The following PLXNA4 variants were observed in gnomAD, a reference collection of about 807,000 sequenced individuals.
The protein encoded by PLXNA4 is plexin-A4.
PLXNA4 carries 44 observed loss-of-function variants against 191.8 expected under a neutral mutation model. That is an observed-to-expected ratio of 0.23 (90% confidence interval 0.18 to 0.29). PLXNA4 has a LOEUF of 0.29. Ranked by LOEUF, PLXNA4 falls within the 10% of genes least tolerant of loss-of-function variation. PLXNA4 has a pLI of 1.00. For missense variants in PLXNA4, 1,800 were observed against 2,488.8 expected, an observed-to-expected ratio of 0.72 and a Z score of 5.89; for synonymous variants, 1,082 against 1,009.5, an observed-to-expected ratio of 1.07 and a Z score of -1.36.
chr7:132,226,052 C>T (rs1369461017), intron 8 of PLXNA4, 109 bp downstream of exon 8: 2 of 1,041,962 alleles, frequency 1.9e-6, no homozygotes, highest in South Asian at 1.4e-5. Flanking sequence ...AGGAGGCCTC[C>T]TCTGGGGCTT....
At chr7:132,324,301 C>CA (rs1802280469) in intron 3 of PLXNA4, among the ~76,000 whole-genome samples, 1 of 152,184 alleles carries the variant, frequency 6.6e-6, no homozygotes, top group Non-Finnish European at 1.5e-5. Flanking sequence ...AGCAGATTTG[C>CA]ATTTCCTAGT....
At chr7:132,139,119 AATCAG>A (rs2116534244) in intron 30 of PLXNA4, among the ~76,000 whole-genome samples, 1 of 152,328 alleles carries the variant, frequency 6.6e-6, no homozygotes, top group African/African-American at 2.4e-5. Flanking sequence ...ACTCAGACAT[AATCAG>A]ACACTAGGAC....
chr7:132,148,671 A>T, intron 25 of PLXNA4, 25 bp from the exon 26 acceptor site: 6 of 1,613,844 alleles, frequency 3.7e-6, no homozygotes, highest in Non-Finnish European at 5.1e-6. Flanking sequence ...GTGGCGTTTC[A>T]GAGAGGCCCT....
intron 3 of PLXNA4, among the ~76,000 whole-genome samples, chr7:132,340,581 C>T (rs1802989570): frequency 6.6e-6 from 1 of 152,114 alleles, no homozygotes; most frequent in Non-Finnish European, 1.5e-5. Context: ...AAAAGAGGGG[C>T]ATAATGGAGA....
Position 132,556,627 on chromosome 7 carries a change from G to T in PLXNA4, c.-87+19795C>A, listed in dbSNP as rs114171525. Among the ~76,000 whole-genome samples the T allele has an allele frequency of 7.4e-3, 1,124 of 152,358 alleles. 13 individuals are homozygous for T. The highest frequency in any genetic ancestry group is 0.025 in the African/African-American group (1,059 of 41,586). ...CCAAAGTCTATCCTGGGTCCTGGGT[G>T]CTCCCCTGCTTCTGGAGCCTAAAGA... is the stretch of plus-strand genomic sequence containing the variant. On this transcript the variant is annotated intron_variant, in intron 1 of 31. Transcript: ENST00000321063.
At chr7:132,355,116 C>G (rs895882668) in intron 3 of PLXNA4, among the ~76,000 whole-genome samples, 1 of 152,168 alleles carries the variant, frequency 6.6e-6, no homozygotes, top group African/African-American at 2.4e-5. Flanking sequence ...GTTCATGAAG[C>G]CTTGCTCCCA....
intron 25 of PLXNA4, among the ~76,000 whole-genome samples, chr7:132,152,275 C>T (rs1309520656): frequency 6.6e-6 from 1 of 152,114 alleles, no homozygotes; most frequent in East Asian, 1.9e-4. Flanking sequence ...AAAATCTCAT[C>T]CCCACCCCAG....
intron 13 of PLXNA4, among the ~76,000 whole-genome samples, chr7:132,196,389 C>T (rs1232577694): frequency 6.6e-6 from 1 of 152,160 alleles, no homozygotes; most frequent in African/African-American, 2.4e-5. Context: ...GCTTTGTAAC[C>T]TGTGTTCCAA....
intron 31 of PLXNA4, among the ~76,000 whole-genome samples, chr7:132,131,287 G>A (rs1415883141): frequency 6.6e-6 from 1 of 152,126 alleles, no homozygotes; most frequent in Non-Finnish European, 1.5e-5. Context: ...TGGAGTAAAG[G>A]CTCTGCCAGT....
intron 30 of PLXNA4, among the ~76,000 whole-genome samples, chr7:132,140,151 A>G (rs920606665): frequency 2.6e-5 from 4 of 152,242 alleles, no homozygotes; most frequent in Admixed American, 1.3e-4. Context: ...TGACAAAGGC[A>G]TCCCCACTGA....
intron 2 of PLXNA4, among the ~76,000 whole-genome samples, chr7:132,505,328 C>T (rs1046646371): frequency 4.6e-5 from 7 of 152,184 alleles, no homozygotes; most frequent in Admixed American, 1.3e-4. Flanking sequence ...CAGGAAGCAA[C>T]GGCAGCACGA....
At chr7:132,162,411 G>A (rs894531991) in intron 24 of PLXNA4, among the ~76,000 whole-genome samples, 3 of 152,202 alleles carry the variant, frequency 2.0e-5, no homozygotes, top group Admixed American at 6.5e-5. Context: ...TTTAAGTTGC[G>A]GCACCTGAAA....
At chr7:132,533,666 T>G (rs1799714270) in intron 1 of PLXNA4, among the ~76,000 whole-genome samples, 1 of 152,224 alleles carries the variant, frequency 6.6e-6, no homozygotes, top group South Asian at 2.1e-4. Flanking sequence ...GGAGCTCTGA[T>G]CAGTGGAAGC....
intron 4 of PLXNA4, among the ~76,000 whole-genome samples, chr7:132,294,857 C>T (rs2116482434): frequency 6.6e-6 from 1 of 152,264 alleles, no homozygotes; most frequent in South Asian, 2.1e-4. Context: ...AGAGGAAAGG[C>T]TATGTGAGGA....
intron 24 of PLXNA4, among the ~76,000 whole-genome samples, chr7:132,161,063 TTC>T (rs1253705925): frequency 2.0e-5 from 3 of 152,200 alleles, no homozygotes; most frequent in Non-Finnish European, 4.4e-5. Context: ...TCTAAGAGTC[TTC>T]TGGCCCCTTC....
intron 4 of PLXNA4, among the ~76,000 whole-genome samples, chr7:132,297,204 G>T (rs1801119253): frequency 6.6e-6 from 1 of 152,122 alleles, no homozygotes; most frequent in Non-Finnish European, 1.5e-5. Context: ...GGCCGCTGCT[G>T]CCACTCAGAG....
At chr7:132,638,583 C>A (rs1803656143) in intron 2 of PLXNA4, among the ~76,000 whole-genome samples, 1 of 152,026 alleles carries the variant, frequency 6.6e-6, no homozygotes, top group Non-Finnish European at 1.5e-5. Flanking sequence ...ACCCGGGTGG[C>A]AGAGATTGCA....
intron 3 of PLXNA4, among the ~76,000 whole-genome samples, chr7:132,484,064 C>T (rs1797446808): frequency 6.6e-6 from 1 of 152,200 alleles, no homozygotes; most frequent in Non-Finnish European, 1.5e-5. Context: ...TGTGGCCACA[C>T]TTACATCAAA....
intron 21 of PLXNA4, among the ~76,000 whole-genome samples, chr7:132,172,126 G>A (rs1193595638): frequency 6.6e-6 from 1 of 152,120 alleles, no homozygotes; most frequent in East Asian, 1.9e-4. Context: ...CCTCACTGTT[G>A]CCTGCCACCC....
Sources: gnomAD v4.1 joint callset for allele counts (sites outside exome capture counted in the v4.1 genomes callset) on GRCh38, gnomAD v4.1.1 for gene constraint, MANE v1.5 for transcripts, NCBI Gene and HGNC (gene_info 2026-07-23, HGNC 2026-07-21) for gene names.